KIAA1217: variants seen among roughly 807,000 people sequenced by gnomAD.
KIAA1217 encodes KIAA1217.
Under a neutral mutation model 163.9 loss-of-function variants are expected in KIAA1217, and 88 were observed. The ratio of observed to expected loss-of-function variants is 0.54; its 90% CI spans 0.45 to 0.64. The LOEUF is 0.64. Among genes scored for constraint, KIAA1217 ranks in the 30% least tolerant of loss-of-function variants. The pLI is 0.00. For missense variants in KIAA1217, 2,372 were observed against 2,475.0 expected, an observed-to-expected ratio of 0.96 and a Z score of 0.88; for synonymous variants, 903 against 923.1, an observed-to-expected ratio of 0.98 and a Z score of 0.39.
chr10:23,920,935 C>A (rs776850242), intron 1 of KIAA1217, among the ~76,000 whole-genome samples: 2 of 152,140 alleles, frequency 1.3e-5, no homozygotes, highest in South Asian at 4.1e-4. Context: ...AAGAACAGCT[C>A]CCCTGCACAC....
intron 1 of KIAA1217, among the ~76,000 whole-genome samples, chr10:23,947,374 T>G (rs1844103789): frequency 6.6e-6 from 1 of 152,218 alleles, no homozygotes; most frequent in South Asian, 2.1e-4. Context: ...CAGTAAGTAT[T>G]GATCTCATTA....
chr10:24,411,409 C>T (rs1168049910), intron 3 of KIAA1217, among the ~76,000 whole-genome samples: 1 of 152,146 alleles, frequency 6.6e-6, no homozygotes, highest in African/African-American at 2.4e-5. Flanking sequence ...ATTAATGGAT[C>T]TTTATAGTTC....
chr10:24,115,739 T>C (rs149684587), intron 2 of KIAA1217, among the ~76,000 whole-genome samples: 4,620 of 152,300 alleles, frequency 0.03, 77 homozygotes, highest in Middle Eastern at 0.092. Flanking sequence ...TTCATGCTTT[T>C]GCATGGCGCC....
chr10:23,806,016 A>G (rs1836722517), intron 1 of KIAA1217, among the ~76,000 whole-genome samples: 1 of 150,452 alleles, frequency 6.6e-6, no homozygotes, highest in African/African-American at 2.4e-5. Flanking sequence ...AAAAAAAAAA[A>G]AAAAAAAAGA....
chr10:24,318,190 G>A (rs943809398), intron 2 of KIAA1217, among the ~76,000 whole-genome samples: 1 of 152,094 alleles, frequency 6.6e-6, no homozygotes, highest in Non-Finnish European at 1.5e-5. Flanking sequence ...TAGAGAGGTA[G>A]GTAGGTAGGT....
intron 1 of KIAA1217, among the ~76,000 whole-genome samples, chr10:23,795,386 G>A (rs1174535045): frequency 6.6e-6 from 1 of 152,072 alleles, no homozygotes; most frequent in African/African-American, 2.4e-5. Flanking sequence ...AAGCCACATG[G>A]ACACCAGGAT....
intron 1 of KIAA1217, among the ~76,000 whole-genome samples, chr10:23,987,916 G>T (rs1195310768): frequency 6.6e-6 from 1 of 152,048 alleles, no homozygotes; most frequent in Non-Finnish European, 1.5e-5. Context: ...TTAAGTCGTA[G>T]GATACTTTAC....
chr10:24,189,192 G>T (rs112594957), intron 2 of KIAA1217, among the ~76,000 whole-genome samples: 1 of 151,768 alleles, frequency 6.6e-6, no homozygotes, highest in Non-Finnish European at 1.5e-5. Context: ...TTATCAGGTC[G>T]TTGAGAGGAA....
chr10:24,488,374 A>T (rs1296216902), intron 6 of KIAA1217, among the ~76,000 whole-genome samples: 1 of 152,080 alleles, frequency 6.6e-6, no homozygotes, highest in Non-Finnish European at 1.5e-5. Context: ...AAAGCAGGGG[A>T]GATACTGAGA....
chr10:24,202,955 C>T (rs1039125183), intron 2 of KIAA1217, among the ~76,000 whole-genome samples: 1 of 152,080 alleles, frequency 6.6e-6, no homozygotes, highest in African/African-American at 2.4e-5. Context: ...TTTGTGAGGC[C>T]AGGGCTGGAG....
At chr10:24,265,831 GA>G in intron 2 of KIAA1217, among the ~76,000 whole-genome samples, 1 of 152,264 alleles carries the variant, frequency 6.6e-6, no homozygotes, top group East Asian at 1.9e-4. Context: ...TGAGTAGTAA[GA>G]AAAGATAAGG....
At chr10:24,023,829 A>G (rs1481864207) in intron 2 of KIAA1217, among the ~76,000 whole-genome samples, 1 of 151,750 alleles carries the variant, frequency 6.6e-6, no homozygotes, top group Non-Finnish European at 1.5e-5. Context: ...AATCCTGCAG[A>G]CTCAATATTG....
intron 3 of KIAA1217, among the ~76,000 whole-genome samples, chr10:24,404,358 G>A (rs572790846): frequency 2.6e-5 from 4 of 152,034 alleles, no homozygotes; most frequent in Non-Finnish European, 2.9e-5. Context: ...CACAAGGTCG[G>A]GAGATGGAGA....
intron 2 of KIAA1217, among the ~76,000 whole-genome samples, chr10:24,177,156 A>T (rs6482370): frequency 3.3e-5 from 5 of 149,808 alleles, no homozygotes; most frequent in Non-Finnish European, 7.4e-5. Flanking sequence ...ACAGTGCAGC[A>T]GTGGGCTAAA....
intron 1 of KIAA1217, among the ~76,000 whole-genome samples, chr10:23,853,623 G>A (rs1414810119): frequency 4.6e-5 from 7 of 152,062 alleles, no homozygotes; most frequent in African/African-American, 7.2e-5. Context: ...GGTAGAATTC[G>A]CGTGTGAATC....
chr10:24,382,427 TA>T (rs1009044649), intron 3 of KIAA1217, among the ~76,000 whole-genome samples: 3 of 151,296 alleles, frequency 2.0e-5, no homozygotes, highest in African/African-American at 2.4e-5. Context: ...CTAGCTGTCC[TA>T]AAAAAAAACC....
At chr10:24,391,738 T>G (rs559188256) in intron 3 of KIAA1217, among the ~76,000 whole-genome samples, 2 of 152,294 alleles carry the variant, frequency 1.3e-5, no homozygotes, top group East Asian at 3.9e-4. Flanking sequence ...CTAAGACTTT[T>G]CAGTGCTGAA....
rs573743108 is a variant in KIAA1217, at chr10:24,027,296, G to A, written c.-171+19922G>A. 2.6e-5 allele frequency among the ~76,000 whole-genome samples: 4 copies of A among 152,102 alleles called. No individual in the cohort carries two copies. In the South Asian group the frequency reaches 8.3e-4, roughly 32 times the overall value. On this transcript the variant is annotated intron_variant, in intron 2 of 18. Coordinates refer to the KIAA1217 transcript ENST00000376462. The stretch of plus-strand genomic sequence containing the variant: ...CAGATGGTGACCTGGGGCATTCACT[G>A]GGCTTACCACATTTGTTTGTATTCT...
chr10:24,511,152 C>CG (rs2069086552), intron 9 of KIAA1217, among the ~76,000 whole-genome samples: 1 of 34,512 alleles, frequency 2.9e-5, no homozygotes, highest in African/African-American at 1.9e-4. Context: ...GACTCTGTCT[C>CG]AAAAAAAAAA....
Sources: gnomAD v4.1 joint callset for allele counts (sites outside exome capture counted in the v4.1 genomes callset) on GRCh38, gnomAD v4.1.1 for gene constraint, MANE v1.5 for transcripts, NCBI Gene and HGNC (gene_info 2026-07-23, HGNC 2026-07-21) for gene names.